Variants in RNF14 observed in about 807,000 individuals in gnomAD.
RNF14 encodes ring finger protein 14.
In RNF14, 26 loss-of-function variants were observed where a neutral mutation model predicts 52.6. The ratio of observed to expected loss-of-function variants is 0.49; its 90% CI spans 0.36 to 0.69. RNF14 has a LOEUF of 0.69. Ranked by LOEUF, RNF14 falls within the 30% of genes least tolerant of loss-of-function variation. The probability of loss-of-function intolerance (pLI) is 0.00; values close to 1 mark genes in which losing one functional copy is unlikely to be tolerated. For synonymous variants in RNF14, 194 were observed against 202.0 expected (o/e 0.96, Z 0.34); for missense variants, 404 against 560.4 (o/e 0.72, Z 2.82).
upstream of RNF14, chr5:141,955,023 G>A (rs149882545): frequency 3.0e-5 from 49 of 1,614,202 alleles, 1 homozygote; most frequent in African/African-American, 2.9e-4. This position sits in a 1 kb window ranked among gnomAD's most constrained non-coding sequence, Gnocchi z 5.5. Flanking sequence ...TCCGCTCGGC[G>A]AAGGCAGCCA....
upstream of RNF14, chr5:141,958,123 A>G (rs141223586): frequency 4.6e-4 from 218 of 469,716 alleles, no homozygotes; most frequent in African/African-American, 3.9e-3. Context: ...ACTTCAGCAA[A>G]TGATGGACAA....
At chr5:141,954,995 T>C (rs772386316), upstream of RNF14, 8 of 1,613,266 alleles carry the variant, frequency 5.0e-6, no homozygotes, top group Non-Finnish European at 4.2e-6. Flanking sequence ...GAATCCACAG[T>C]GAGCTCCTCC....
upstream of RNF14, chr5:141,957,342 G>A: frequency 6.2e-7 from 1 of 1,613,706 alleles, no homozygotes; most frequent in South Asian, 1.1e-5. This position sits in a 1 kb window ranked among gnomAD's most constrained non-coding sequence, Gnocchi z 4.3. Flanking sequence ...GAGTGTAGGT[G>A]TGCAGGGTGT....
upstream of RNF14, among the ~76,000 whole-genome samples, chr5:141,953,797 A>G (rs1334357382): frequency 6.6e-6 from 1 of 152,236 alleles, no homozygotes; most frequent in Non-Finnish European, 1.5e-5. Context: ...TCCTAAGAGA[A>G]CAGCTGGGCC....
rs1754682270 is a variant in RNF14 at position 141,980,649 on chromosome 5, T to C, written c.1063+298T>C. 2.0e-5 allele frequency among the ~76,000 whole-genome samples: 3 copies of C among 148,188 alleles called. No homozygotes were observed. In the East Asian group the frequency reaches 6.2e-4, roughly 31 times the overall value. ...AGCAAGGACAGGATATGAAATGTTC[T>C]GAAGGGGAGGGGACTTGGGATTTTA... On this transcript the variant is annotated intron_variant, in intron 6 of 8. Transcript: ENST00000394520.
chr5:141,949,988 C>T, the RNF14 span, among the ~76,000 whole-genome samples: 1 of 152,200 alleles, frequency 6.6e-6, no homozygotes, highest in Non-Finnish European at 1.5e-5. Flanking sequence ...CCAGTGCAGC[C>T]GTCCATCCGT....
chr5:141,989,991 G>T lies in RNF14; in HGVS notation c.*2201G>T, dbSNP rs1295336337. 6 of 152,018 alleles carry T rather than the reference G, an allele frequency of 3.9e-5. No homozygotes were observed. Among genetic ancestry groups the T allele is most frequent in the African/African-American group, 1.4e-4 (6 of 41,420 alleles). 9.4% of individuals were successfully genotyped at this position (152,018 alleles called of 1,614,324 possible). On this transcript the variant is annotated 3_prime_UTR_variant, in exon 9 of 9. Coordinates refer to ENST00000394520, the MANE Select transcript of RNF14 (RefSeq NM_004290.5). Reference sequence around the variant, plus strand: ...AATGGGAGCCTTTTTTCCCATTTATGATATTAAAAACAACACAGGTATTTG... The same window carrying T: ...AATGGGAGCCTTTTTTCCCATTTATTATATTAAAAACAACACAGGTATTTG...
At chr5:141,968,959 G>C (rs1002183037), upstream of RNF14, 1 of 152,284 alleles carries the variant, frequency 6.6e-6, no homozygotes, top group African/African-American at 2.4e-5. Context: ...CGCAGTAAGT[G>C]GGGGTGACGG....
intron 6 of RNF14, 110 bp downstream of exon 6, chr5:141,980,461 C>T: frequency 1.2e-6 from 1 of 827,636 alleles, no homozygotes. Flanking sequence ...ATTCATTTAG[C>T]AGATATTTCT....
upstream of RNF14, among the ~76,000 whole-genome samples, chr5:141,966,524 C>T (rs1011665850): frequency 1.2e-4 from 19 of 152,004 alleles, no homozygotes; most frequent in Non-Finnish European, 2.6e-4. Flanking sequence ...AGAGAATGTA[C>T]GTGAAATATT....
rs1296489416 is a variant in RNF14 at position 141,989,906 on chromosome 5, C to T, written c.*2116C>T. Reference sequence around the variant, plus strand: ...GATCATTTTATGTTAAGCTGTTATACATTGTTGATGATGTCATAGAAGTAG... The same window carrying T: ...GATCATTTTATGTTAAGCTGTTATATATTGTTGATGATGTCATAGAAGTAG... On this transcript the variant is annotated 3_prime_UTR_variant, in exon 9 of 9. Transcript: ENST00000394520. 1.3e-5 allele frequency: 2 copies of T among 152,080 alleles called. No homozygotes were observed. Among genetic ancestry groups the T allele is most frequent in the African/African-American group, 4.8e-5 (2 of 41,416 alleles). 9.4% of individuals were successfully genotyped at this position (152,080 alleles called of 1,614,324 possible).
Position 141,974,863 on chromosome 5 carries a change from C to T in RNF14, c.214C>T (p.Pro72Ser). 1.2e-6 allele frequency: 2 copies of T among 1,614,064 alleles called. No homozygotes were observed. The highest frequency in any genetic ancestry group is 2.2e-5 in the East Asian group (1 of 44,880). The change falls in exon 4 of 9, where the codon CCA becomes TCA. Residue 72 changes from proline (P) to serine (S), a missense_variant. By Grantham distance (74) the Pro-to-Ser change is moderately conservative. Transcript: ENST00000394520. ...GFEYTICFLP[P>S]LVLNFELPPD... ...TGAATACACCATTTGCTTTCTGCCTCCACTTGTGCTGAACTTTGAACTGCC... is the reference window on the plus strand; with the variant it reads ...TGAATACACCATTTGCTTTCTGCCTTCACTTGTGCTGAACTTTGAACTGCC...
rs1428873389 is a variant in RNF14 at position 141,983,532 on chromosome 5, T to A, written c.1216T>A (p.Cys406Ser). The change falls in exon 7 of 9, where the codon TGT becomes AGT. Residue 406 changes from cysteine (C) to serine (S), a missense_variant. Physicochemically the swap from Cys to Ser is moderately radical, Grantham distance 112 (BLOSUM62 -1). Coordinates refer to ENST00000394520, the MANE Select transcript of RNF14 (RefSeq NM_004290.5). ...AGAGAAGAACTCAAAGAGCTGCCCA[T>A]GTTGTGGAACTCCCATAGAGGTAAA... ...WLEKNSKSCP[C>S]CGTPIEKLDG... 6.2e-7 allele frequency: 1 copy of A among 1,611,522 alleles called. No homozygotes were observed. The highest frequency in any genetic ancestry group is 1.7e-5 in the Admixed American group (1 of 59,728).
chr5:141,964,233 CA>C (rs1753298783), upstream of RNF14, among the ~76,000 whole-genome samples: 3 of 152,276 alleles, frequency 2.0e-5, no homozygotes, highest in South Asian at 6.2e-4. Flanking sequence ...GCTGGTCACG[CA>C]GGTAATCTGG....
chr5:141,951,479 T>A, the RNF14 span: 1 of 1,607,952 alleles, frequency 6.2e-7, no homozygotes, highest in South Asian at 1.1e-5. Context: ...CTGTGGGGGC[T>A]ACGTGCTGCT....
At chr5:141,986,984 A>G (rs911960236) in intron 8 of RNF14, among the ~76,000 whole-genome samples, 1 of 152,212 alleles carries the variant, frequency 6.6e-6, no homozygotes, top group Non-Finnish European at 1.5e-5. Context: ...CTCAGTCCAC[A>G]TCCTCCATAG....
At chr5:141,953,556 G>A (rs915591699), upstream of RNF14, among the ~76,000 whole-genome samples, 1 of 152,192 alleles carries the variant, frequency 6.6e-6, no homozygotes, top group African/African-American at 2.4e-5. Flanking sequence ...TGAGCATTGG[G>A]CAAGTTGCCT....
upstream of RNF14, chr5:141,957,413 T>A: frequency 6.2e-7 from 1 of 1,613,242 alleles, no homozygotes; most frequent in Non-Finnish European, 8.5e-7. The surrounding 1 kb of genome is among the most constrained non-coding windows in gnomAD (Gnocchi z 4.3). Context: ...AGAGAGGCGC[T>A]CTCAGAGATT....
chr5:141,964,461 G>A (rs1296013559), upstream of RNF14, among the ~76,000 whole-genome samples: 1 of 152,176 alleles, frequency 6.6e-6, no homozygotes. Flanking sequence ...TGATGATGGT[G>A]CTATGTTATA....
Sources: gnomAD v4.1 joint callset for allele counts (sites outside exome capture counted in the v4.1 genomes callset) on GRCh38, gnomAD v4.1.1 for gene constraint, Gnocchi (gnomAD v3.1) non-coding constraint, MANE v1.5 for transcripts, NCBI Gene and HGNC (gene_info 2026-07-23, HGNC 2026-07-21) for gene names.